TNNT3: variants seen among roughly 807,000 people sequenced by gnomAD.
TNNT3 encodes the protein troponin T, fast skeletal muscle.
In TNNT3, 36 loss-of-function variants were observed where a neutral mutation model predicts 54.2. The observed-to-expected ratio is 0.66, with a 90% CI of 0.51 to 0.88. The LOEUF is 0.88. TNNT3 is among the 40% of genes least tolerant of loss of function. TNNT3 has a pLI of 0.00. For synonymous variants in TNNT3, 120 were observed against 109.7 expected (o/e 1.09, Z -0.59); for missense variants, 291 against 331.6 (o/e 0.88, Z 0.95).
chr11:1,926,552 A>G lies in TNNT3; in HGVS notation c.68-143A>G, dbSNP rs971871926. 1.4e-5 allele frequency: 23 copies of G among 1,611,280 alleles called. No individual in the cohort carries two copies. The Middle Eastern group carries it at 5.0e-4, about 35-fold the overall frequency. The stretch of plus-strand genomic sequence containing the variant: ...GGGGGTGCAGGACCCAAGAAGGAAC[A>G]AGAGGGGCCGCGTAACCCTGCACAG... On this transcript the variant is annotated intron_variant, in intron 5 of 15. Coordinates refer to ENST00000278317, the MANE Select transcript of TNNT3 (RefSeq NM_006757.4).
intron 6 of TNNT3, 102 bp from the exon 7 acceptor site, chr11:1,929,018 G>C (rs1184317471): frequency 7.5e-7 from 1 of 1,326,306 alleles, no homozygotes. Flanking sequence ...CGAGTGAGAG[G>C]GGTGGGCCCC....
At chr11:1,926,738 C>T (rs191557897) in intron 6 of TNNT3, 29 bp downstream of exon 6, 45 of 1,613,022 alleles carry the variant, frequency 2.8e-5, no homozygotes, top group African/African-American at 6.7e-5. Flanking sequence ...GCCTCCAGGC[C>T]AGAGTCTCCG....
Position 1,938,471 on chromosome 11 carries a change from A to G in TNNT3, c.756A>G (p.Lys252=), listed in dbSNP as rs2133567285. The G allele has an allele frequency of 1.2e-6, 2 of 1,613,406 alleles. No individual in the cohort carries two copies. The highest frequency in any genetic ancestry group is 1.7e-6 in the Non-Finnish European group (2 of 1,179,942). The change falls in exon 16 of 16, where the codon AAA becomes AAG. Residue 252 remains lysine, a synonymous_variant. Coordinates refer to ENST00000278317, the MANE Select transcript of TNNT3 (RefSeq NM_006757.4). ...SKKAGTPAKG[K]VGGRWK is the part of the protein sequence containing the mutation. ...AGGCTGGGACCCCAGCCAAGGGCAAAGTCGGCGGGCGCTGGAAGTAGAGAG... is the reference window on the plus strand; with the variant it reads ...AGGCTGGGACCCCAGCCAAGGGCAAGGTCGGCGGGCGCTGGAAGTAGAGAG...
chr11:1,922,564 C>T (rs981629850), intron 1 of TNNT3, among the ~76,000 whole-genome samples: 2 of 152,070 alleles, frequency 1.3e-5, no homozygotes, highest in South Asian at 2.1e-4. Flanking sequence ...TGGGGGTGGA[C>T]GCCACGACCT....
In TNNT3 at chr11:1,934,873, T is replaced by C. The variant is rs373807514; in HGVS notation, c.635T>C (p.Ile212Thr). ...ELWETLHQLEIDKFEFGEKLK... is the reference protein window; with the variant it reads ...ELWETLHQLETDKFEFGEKLK... ...TGGGAGACCCTGCACCAGCTGGAGA[T>C]TGACAAGTTCGAGTTTGGGGAGAAG... Residue 212 changes from isoleucine to threonine, a missense_variant, in exon 14 of 16, where the codon ATT (isoleucine) becomes ACT (threonine). Transcript: ENST00000278317. 280 of 1,613,520 alleles carry C rather than the reference T, an allele frequency of 1.7e-4. No homozygotes were observed. The highest frequency in any genetic ancestry group is 2.3e-4 in the Non-Finnish European group (267 of 1,180,040).
chr11:1,934,094 C>T lies in TNNT3; in HGVS notation c.366+86C>T, dbSNP rs114518310. On this transcript the variant is annotated intron_variant, in intron 11 of 15. Coordinates refer to ENST00000278317, the MANE Select transcript of TNNT3 (RefSeq NM_006757.4). ...CAGGGGGCTGAGGCCTTCCTTCTCC[C>T]GGGGTTCCCATTGTCATTGGCCAAT... 1.1e-3 allele frequency: 1,630 copies of T among 1,425,192 alleles called. 12 individuals are homozygous for T. In the African/African-American group the frequency reaches 0.014, roughly 13 times the overall value. The allele number at this position is 1,425,192 out of a possible 1,614,324, so 88.3% of individuals were successfully genotyped here.
intron 8 of TNNT3, among the ~76,000 whole-genome samples, chr11:1,932,264 G>A (rs1416869655): frequency 1.3e-5 from 2 of 152,256 alleles, no homozygotes; most frequent in African/African-American, 4.8e-5. Flanking sequence ...CCTTCTTGAG[G>A]GGCTCAAGCC....
intron 15 of TNNT3, 119 bp downstream of exon 15, chr11:1,937,122 T>G: frequency 8.7e-7 from 1 of 1,149,808 alleles, no homozygotes; most frequent in South Asian, 1.3e-5. Context: ...GTAACGAGAC[T>G]AACCCGGCCA....
In TNNT3 at chr11:1,922,842, A is replaced by AATCTCTCTCTGC; in HGVS notation, c.-18-13_-18-2dup. ...CATCCTCTCTCTCTCTCTCTCTCTGAATCTCTCTCTGCAGAAACCACCCAC... is the reference window on the plus strand; with the variant it reads ...CATCCTCTCTCTCTCTCTCTCTCTGAATCTCTCTCTGCATCTCTCTCTGCAGAAACCACCCAC... On this transcript the variant is annotated splice_polypyrimidine_tract_variant and intron_variant, in intron 1 of 15. Coordinates refer to ENST00000278317, the MANE Select transcript of TNNT3 (RefSeq NM_006757.4). 9 of 1,605,722 alleles carry AATCTCTCTCTGC rather than the reference A, an allele frequency of 5.6e-6. No individual in the cohort carries two copies. The highest frequency in any genetic ancestry group is 6.8e-6 in the Non-Finnish European group (8 of 1,176,796).
At chr11:1,925,242 C>A (rs1425544147) in intron 5 of TNNT3, 126 bp downstream of exon 5, 1 of 1,607,890 alleles carries the variant, frequency 6.2e-7, no homozygotes, top group East Asian at 2.2e-5. Flanking sequence ...CCTCTCTCCC[C>A]CGGCTCTCCT....
intron 8 of TNNT3, among the ~76,000 whole-genome samples, chr11:1,931,796 C>T: frequency 6.6e-6 from 1 of 150,866 alleles, no homozygotes; most frequent in East Asian, 1.9e-4. Context: ...TTAGAGGCAC[C>T]TTCTGGTGCT....
At chr11:1,926,649 C>A in intron 5 of TNNT3, 46 bp from the exon 6 acceptor site, 2 of 1,611,474 alleles carry the variant, frequency 1.2e-6, no homozygotes, top group Non-Finnish European at 1.7e-6. Context: ...CACACTGGTC[C>A]TCTCTCTCTC....
chr11:1,929,253 C>G, intron 7 of TNNT3, 110 bp downstream of exon 7: 4 of 1,346,142 alleles, frequency 3.0e-6, no homozygotes, highest in African/African-American at 1.4e-5. Flanking sequence ...TCCCTCTGTC[C>G]TCTTTCTCTT....
chr11:1,937,139 C>G, intron 15 of TNNT3, 136 bp downstream of exon 15: 1 of 955,858 alleles, frequency 1.0e-6, no homozygotes, highest in Non-Finnish European at 1.6e-6. Flanking sequence ...GCCAGGCCAC[C>G]CAGGCCAGCA....
At chr11:1,923,618 C>G (rs1850697808) in intron 4 of TNNT3, 46 bp downstream of exon 4, 1 of 1,387,328 alleles carries the variant, frequency 7.2e-7, no homozygotes, top group Non-Finnish European at 9.9e-7. Flanking sequence ...CTCCTTGGAA[C>G]TTAACCCCCC....
intron 1 of TNNT3, among the ~76,000 whole-genome samples, chr11:1,920,993 C>T (rs764386845): frequency 5.9e-5 from 9 of 152,186 alleles, no homozygotes; most frequent in Non-Finnish European, 1.2e-4. Context: ...GTCGGGGGGC[C>T]TGGAGGTCAC....
In TNNT3 at chr11:1,929,100, T is replaced by C. The variant is rs368327851; in HGVS notation, c.83-20T>C. ...GGCTTTTCTCTTGCATGTGTGCTTG[T>C]GCCTTTTGCCACCTGGAAGACACCG... On this transcript the variant is annotated intron_variant, in intron 6 of 15. Coordinates refer to ENST00000278317, the MANE Select transcript of TNNT3 (RefSeq NM_006757.4). 93 of 1,613,332 alleles carry C rather than the reference T, an allele frequency of 5.8e-5. 1 individual carries two copies. In the African/African-American group the frequency reaches 1.2e-3, roughly 20 times the overall value.
intron 8 of TNNT3, among the ~76,000 whole-genome samples, chr11:1,931,240 C>T (rs762832239): frequency 1.4e-4 from 22 of 152,200 alleles, no homozygotes; most frequent in African/African-American, 2.7e-4. Flanking sequence ...TCATAAATAA[C>T]GCTGGTTGGA....
At chr11:1,931,954 G>T (rs951115184) in intron 8 of TNNT3, among the ~76,000 whole-genome samples, 2 of 152,190 alleles carry the variant, frequency 1.3e-5, no homozygotes, top group African/African-American at 4.8e-5. Context: ...TGCACACCCA[G>T]CCGGAGAGGG....
Sources: allele counts gnomAD v4.1 joint callset (sites outside exome capture counted in the v4.1 genomes callset), GRCh38; gene constraint gnomAD v4.1.1; transcripts MANE v1.5; gene names NCBI Gene and HGNC (gene_info 2026-07-23, HGNC 2026-07-21).